Variants in MECOM observed in about 807,000 individuals in gnomAD.
MECOM encodes histone-lysine N-methyltransferase MECOM.
A neutral mutation model predicts 116.3 loss-of-function variants in MECOM; 13 were observed. The observed-to-expected ratio is 0.11, with a 90% CI of 0.07 to 0.18. MECOM has a LOEUF of 0.18. Ranked by LOEUF, MECOM falls within the 10% of genes least tolerant of loss-of-function variation. MECOM has a pLI of 1.00. For missense variants in MECOM, 1,299 were observed against 1,509.0 expected (o/e 0.86, Z 2.31); for synonymous variants, 528 against 535.2 (o/e 0.99, Z 0.19).
At chr3:169,458,962 A>G (rs935740751) in intron 1 of MECOM, among the ~76,000 whole-genome samples, 1 of 152,254 alleles carries the variant, frequency 6.6e-6, no homozygotes, top group Non-Finnish European at 1.5e-5. Flanking sequence ...GCAAAAAAGC[A>G]GCTCAAGCGC....
chr3:169,588,586 A>G (rs146580356), intron 1 of MECOM, among the ~76,000 whole-genome samples: 3 of 152,276 alleles, frequency 2.0e-5, no homozygotes, highest in African/African-American at 7.2e-5. Flanking sequence ...TGTGTATAAT[A>G]GGTTGTTTCA....
chr3:169,296,338 G>C (rs1184490227), intron 2 of MECOM, among the ~76,000 whole-genome samples: 1 of 152,220 alleles, frequency 6.6e-6, no homozygotes. Context: ...GAGTGGGAGT[G>C]AGAAGAGCAA....
At chr3:169,458,032 T>C (rs1746812076) in intron 1 of MECOM, among the ~76,000 whole-genome samples, 1 of 152,242 alleles carries the variant, frequency 6.6e-6, no homozygotes, top group Non-Finnish European at 1.5e-5. Context: ...ATTTACAAGA[T>C]AATGTTTGAC....
intron 2 of MECOM, among the ~76,000 whole-genome samples, chr3:169,323,659 C>T (rs1398602906): frequency 6.6e-6 from 1 of 152,162 alleles, no homozygotes; most frequent in African/African-American, 2.4e-5. Flanking sequence ...ACCAAAGGAC[C>T]TGAATGTTGC....
intron 2 of MECOM, among the ~76,000 whole-genome samples, chr3:169,315,043 G>T (rs1184061341): frequency 6.6e-6 from 1 of 152,180 alleles, no homozygotes; most frequent in African/African-American, 2.4e-5. Context: ...TACAGATGGG[G>T]AAATTGAGGC....
At chr3:169,525,936 G>A (rs1757917912) in intron 1 of MECOM, among the ~76,000 whole-genome samples, 1 of 152,096 alleles carries the variant, frequency 6.6e-6, no homozygotes, top group Non-Finnish European at 1.5e-5. Context: ...GGCTGAGGCA[G>A]GAGAATCGCT....
chr3:169,349,078 T>TC (rs920207505), intron 2 of MECOM, among the ~76,000 whole-genome samples: 1 of 148,372 alleles, frequency 6.7e-6, no homozygotes, highest in Non-Finnish European at 1.5e-5. Flanking sequence ...TCCTCCCCTT[T>TC]CCCCCCTCCC....
chr3:169,484,133 T>C (rs1751795698), intron 1 of MECOM: 1 of 742,594 alleles, frequency 1.3e-6, no homozygotes, highest in Admixed American at 2.3e-5. Context: ...CAAAAAGTGA[T>C]TCTTTTTATC....
At chr3:169,111,783 G>GA (rs1204777539) in intron 9 of MECOM, among the ~76,000 whole-genome samples, 2 of 151,672 alleles carry the variant, frequency 1.3e-5, no homozygotes, top group Non-Finnish European at 2.9e-5. Context: ...AAAGATACTT[G>GA]AAAAAATACA....
At chr3:169,434,121 A>G (rs1742236564) in intron 1 of MECOM, among the ~76,000 whole-genome samples, 1 of 152,240 alleles carries the variant, frequency 6.6e-6, no homozygotes, top group Admixed American at 6.5e-5. Flanking sequence ...GTCCTTCAAT[A>G]ATTTTAAAAT....
At chr3:169,547,826 G>C (rs1760914555) in intron 1 of MECOM, among the ~76,000 whole-genome samples, 1 of 152,072 alleles carries the variant, frequency 6.6e-6, no homozygotes, top group Non-Finnish European at 1.5e-5. Context: ...AGAAGGCAGA[G>C]GCAGAGACAG....
chr3:169,188,914 C>T (rs750264562), intron 2 of MECOM, among the ~76,000 whole-genome samples: 1 of 152,200 alleles, frequency 6.6e-6, no homozygotes, highest in Non-Finnish European at 1.5e-5. Flanking sequence ...GAAGTTGCAG[C>T]TCTGCCCATA....
At chr3:169,620,928 G>A (rs935500978) in intron 1 of MECOM, among the ~76,000 whole-genome samples, 2 of 152,170 alleles carry the variant, frequency 1.3e-5, no homozygotes, top group African/African-American at 4.8e-5. Context: ...AATATTGCCT[G>A]ATATAGGAAA....
intron 1 of MECOM, among the ~76,000 whole-genome samples, chr3:169,587,342 A>G (rs575853322): frequency 5.9e-5 from 9 of 152,182 alleles, no homozygotes; most frequent in African/African-American, 2.2e-4. Flanking sequence ...TTAAGAGAAC[A>G]GTAACATTTT....
intron 2 of MECOM, among the ~76,000 whole-genome samples, chr3:169,263,108 TATATATATATATATATA>T (rs1757777461): frequency 1.0e-5 from 1 of 98,770 alleles, no homozygotes; most frequent in African/African-American, 5.2e-5. Context: ...TATATATATA[TATATATATATATATATA>T]TATGTTTTTT....
Position 169,592,513 on chromosome 3 carries a change from C to T in MECOM, c.37+70823G>A, listed in dbSNP as rs981498898. Among the ~76,000 whole-genome samples, 9 of 152,146 alleles carry T rather than the reference C, an allele frequency of 5.9e-5. No individual in the cohort carries two copies. In the East Asian group the frequency reaches 7.7e-4, roughly 13 times the overall value. ...CTCCTCTACCCTCTGGGGTGTCCAC[C>T]GCCCTCTCCTCTCTAGTTCCCCTAA... On this transcript the variant is annotated intron_variant, in intron 1 of 16. Transcript: ENST00000651503.
At chr3:169,594,145 CCACCACCACAAAAAAAA>C (rs1488085780) in intron 1 of MECOM, among the ~76,000 whole-genome samples, 3 of 92,344 alleles carry the variant, frequency 3.2e-5, no homozygotes, top group African/African-American at 1.9e-4. Flanking sequence ...GACAACACCA[CCACCACCACAAAAAAAA>C]AAAAAAAAAA....
chr3:169,559,046 G>A (rs79991539), intron 1 of MECOM, among the ~76,000 whole-genome samples: 25,468 of 148,484 alleles, frequency 0.17, 2,376 homozygotes, highest in East Asian at 0.36. Context: ...ACACACACGC[G>A]CACACACACA....
At chr3:169,424,269 C>A (rs1015343838) in intron 1 of MECOM, among the ~76,000 whole-genome samples, 2 of 152,090 alleles carry the variant, frequency 1.3e-5, no homozygotes, top group African/African-American at 4.8e-5. Flanking sequence ...AAATTCCTAC[C>A]ATGCAAAGAC....
Sources: allele counts gnomAD v4.1 joint callset (sites outside exome capture counted in the v4.1 genomes callset), GRCh38; gene constraint gnomAD v4.1.1; transcripts MANE v1.5; gene names NCBI Gene and HGNC (gene_info 2026-07-23, HGNC 2026-07-21).